TMEM232: variants seen among roughly 807,000 people sequenced by gnomAD.
The protein encoded by TMEM232 is transmembrane protein 232.
TMEM232 carries 80 observed loss-of-function variants against 78.8 expected under a neutral mutation model. The observed-to-expected ratio is 1.01, with a 90% CI of 0.85 to 1.22. The LOEUF (loss-of-function observed/expected upper bound fraction) is 1.22. Among genes scored for constraint, TMEM232 ranks in the 50% most tolerant of loss-of-function variants. The pLI, the probability that TMEM232 is intolerant of heterozygous loss-of-function variation, is 0.00. For synonymous variants in TMEM232, 297 were observed against 254.3 expected, an observed-to-expected ratio of 1.17 and a Z score of -1.60; for missense variants, 881 against 742.2, an observed-to-expected ratio of 1.19 and a Z score of -2.17.
chr5:110,691,947 GT>G (rs1323956564), intron 1 of TMEM232, among the ~76,000 whole-genome samples: 1 of 152,114 alleles, frequency 6.6e-6, no homozygotes, highest in Non-Finnish European at 1.5e-5. Flanking sequence ...TTGGGACGGA[GT>G]CTCACTCTGT....
chr5:110,524,584 A>C (rs935308554), intron 12 of TMEM232, among the ~76,000 whole-genome samples: 3 of 152,134 alleles, frequency 2.0e-5, no homozygotes, highest in African/African-American at 7.2e-5. Flanking sequence ...ATGCTGGAGA[A>C]AGTTCTGTGG....
intron 12 of TMEM232, among the ~76,000 whole-genome samples, chr5:110,426,942 ATTGT>A (rs1431270610): frequency 1.3e-5 from 2 of 152,068 alleles, no homozygotes; most frequent in African/African-American, 2.4e-5. Flanking sequence ...TTGAACAAGA[ATTGT>A]TTAAGTTTTA....
At position 110,420,680 on chromosome 5, in the gene TMEM232, G is replaced by A; in HGVS notation, c.1874C>T (p.Ala625Val). 2 of 1,524,636 alleles carry A rather than the reference G, an allele frequency of 1.3e-6. No homozygotes were observed. Among genetic ancestry groups the A allele is most frequent in the East Asian group, 5.0e-5 (2 of 40,076 alleles). The allele number at this position is 1,524,636 out of a possible 1,614,324, so 94.4% of individuals were successfully genotyped here. A position where few individuals can be genotyped will look rare whatever the true frequency, so the allele number is the denominator to read the frequency against. The change falls in exon 14 of 14, where the codon GCA (alanine) becomes GTA (valine). Residue 625 changes from alanine (A) to valine (V), a missense_variant. Transcript: ENST00000455884. Reference sequence around the variant, plus strand: ...AACTTCTTGAAAGTGATTTTTCTCTGCTAACTTTTTATCTTTAAGTTCTTG... The same window carrying A: ...AACTTCTTGAAAGTGATTTTTCTCTACTAACTTTTTATCTTTAAGTTCTTG... ...KAQELKDKKL[A>V]EKNHFQEVMK...
intron 10 of TMEM232, among the ~76,000 whole-genome samples, chr5:110,595,245 C>T (rs1330309830): frequency 1.3e-5 from 2 of 152,114 alleles, no homozygotes; most frequent in Non-Finnish European, 2.9e-5. Flanking sequence ...TAAAAGGACA[C>T]CCACTCAAAA....
chr5:110,724,394 C>T (rs1213136309), intron 1 of TMEM232, among the ~76,000 whole-genome samples: 4 of 152,168 alleles, frequency 2.6e-5, no homozygotes, highest in Non-Finnish European at 2.9e-5. Flanking sequence ...AGCTCAAAGA[C>T]GAGTACTTGA....
chr5:110,702,434 C>T (rs988228536), intron 1 of TMEM232, among the ~76,000 whole-genome samples: 6 of 151,980 alleles, frequency 3.9e-5, no homozygotes, highest in African/African-American at 1.4e-4. Context: ...GCTCTGTTGA[C>T]TTTATATGTA....
chr5:110,473,248 A>T (rs893860437), intron 12 of TMEM232, among the ~76,000 whole-genome samples: 2 of 151,912 alleles, frequency 1.3e-5, no homozygotes, highest in African/African-American at 2.4e-5. Flanking sequence ...AATAACAAAC[A>T]AAATGGATTA....
intron 3 of TMEM232, among the ~76,000 whole-genome samples, chr5:110,395,968 G>A (rs895906459): frequency 6.6e-6 from 1 of 152,174 alleles, no homozygotes; most frequent in Non-Finnish European, 1.5e-5. Context: ...ATATAAGATA[G>A]AAGGAGCCTC....
At chr5:110,676,772 T>A (rs893482796) in intron 1 of TMEM232, among the ~76,000 whole-genome samples, 2 of 139,714 alleles carry the variant, frequency 1.4e-5, no homozygotes, top group Admixed American at 7.2e-5. Flanking sequence ...TATTTATTTA[T>A]TTAATATACG....
At chr5:110,685,063 G>A (rs1411668951) in intron 1 of TMEM232, 10 of 151,816 alleles carry the variant, frequency 6.6e-5, no homozygotes, top group Non-Finnish European at 1.5e-4. Context: ...ATAACAAAAG[G>A]ATAAATTAAC....
At chr5:110,393,099 G>A (rs1425984006) in intron 3 of TMEM232, among the ~76,000 whole-genome samples, 1 of 152,118 alleles carries the variant, frequency 6.6e-6, no homozygotes, top group Non-Finnish European at 1.5e-5. Flanking sequence ...AGTATAATAT[G>A]TTGGGGGAAT....
intron 12 of TMEM232, among the ~76,000 whole-genome samples, chr5:110,476,133 T>C (rs1341974129): frequency 1.3e-5 from 2 of 151,954 alleles, no homozygotes; most frequent in South Asian, 4.1e-4. Context: ...ATATTACTAG[T>C]ATATGTTATG....
At chr5:110,398,464 C>T (rs1755474097) in intron 2 of TMEM232, among the ~76,000 whole-genome samples, 1 of 152,112 alleles carries the variant, frequency 6.6e-6, no homozygotes, top group African/African-American at 2.4e-5. Flanking sequence ...AGGATAGGAG[C>T]AGAGGCTATG....
chr5:110,469,055 A>T (rs1356672586), intron 12 of TMEM232, among the ~76,000 whole-genome samples: 1 of 152,148 alleles, frequency 6.6e-6, no homozygotes, highest in Non-Finnish European at 1.5e-5. Context: ...CCCAATCAAC[A>T]TTTTGGAACC....
chr5:110,720,485 G>C (rs920601221), intron 1 of TMEM232: 1 of 152,078 alleles, frequency 6.6e-6, no homozygotes, highest in Non-Finnish European at 1.5e-5. Flanking sequence ...GGGAGAGGGA[G>C]TCCCATCATC....
intron 2 of TMEM232, among the ~76,000 whole-genome samples, chr5:110,404,862 T>C (rs935052054): frequency 7.9e-5 from 12 of 151,956 alleles, no homozygotes; most frequent in African/African-American, 2.9e-4. Flanking sequence ...CTGATGTTGA[T>C]GAAGAGACTC....
At chr5:110,430,431 A>G (rs200503800) in intron 12 of TMEM232, among the ~76,000 whole-genome samples, 1 of 151,478 alleles carries the variant, frequency 6.6e-6, no homozygotes, top group African/African-American at 2.4e-5. Context: ...TGAAGCAATA[A>G]TTACTTGAAA....
intron 1 of TMEM232, among the ~76,000 whole-genome samples, chr5:110,681,818 A>G (rs1021562497): frequency 5.3e-5 from 8 of 152,204 alleles, no homozygotes; most frequent in South Asian, 2.1e-4. Context: ...AGAGTCTTGA[A>G]CCATCTATTA....
At chr5:110,591,452 T>A (rs754888159) in intron 10 of TMEM232, among the ~76,000 whole-genome samples, 2 of 152,186 alleles carry the variant, frequency 1.3e-5, no homozygotes, top group African/African-American at 2.4e-5. Flanking sequence ...AGATATATAA[T>A]GTATATAGGA....
Sources: gnomAD v4.1 joint callset for allele counts (sites outside exome capture counted in the v4.1 genomes callset) on GRCh38, gnomAD v4.1.1 for gene constraint, MANE v1.5 for transcripts, NCBI Gene and HGNC (gene_info 2026-07-23, HGNC 2026-07-21) for gene names.